The following SHISAL2A variants were observed in gnomAD, a reference collection of about 807,000 sequenced individuals.
SHISAL2A encodes the protein protein shisa-like-2A.
In SHISAL2A, 18 loss-of-function variants were observed where a neutral mutation model predicts 11.5. The ratio of observed to expected loss-of-function variants is 1.57; its 90% CI spans 1.08 to 2.33. The LOEUF (loss-of-function observed/expected upper bound fraction) is 2.33. Ranked by LOEUF, SHISAL2A falls within the 30% of genes most tolerant of loss-of-function variation. The pLI is 0.00. For missense variants in SHISAL2A, 261 were observed against 250.9 expected (o/e 1.04, Z -0.27); for synonymous variants, 94 against 99.6 (o/e 0.94, Z 0.34).
intron 4 of SHISAL2A, chr1:52,667,282 G>A (rs1040258942): frequency 8.5e-6 from 3 of 351,596 alleles, no homozygotes; most frequent in Non-Finnish European, 1.2e-5. Context: ...AATGGGCGTA[G>A]TTAGTCAGCA....
intron 1 of SHISAL2A, among the ~76,000 whole-genome samples, chr1:52,642,142 G>T (rs1311229430): frequency 6.6e-6 from 1 of 152,144 alleles, no homozygotes; most frequent in Non-Finnish European, 1.5e-5. Context: ...GCTGGAAGGA[G>T]AGCTGGCTTT....
intron 2 of SHISAL2A, among the ~76,000 whole-genome samples, chr1:52,646,301 A>G (rs1275268898): frequency 6.6e-6 from 1 of 152,146 alleles, no homozygotes; most frequent in Non-Finnish European, 1.5e-5. Flanking sequence ...AAGTTGAAAA[A>G]CCTAGAATAG....
At chr1:52,641,294 C>T (rs1017243494) in intron 1 of SHISAL2A, among the ~76,000 whole-genome samples, 1 of 152,166 alleles carries the variant, frequency 6.6e-6, no homozygotes, top group South Asian at 2.1e-4. Flanking sequence ...TAGGTGACAA[C>T]CTACTACTTG....
chr1:52,633,317 G>A lies in SHISAL2A; in HGVS notation c.-177G>A, dbSNP rs1691167467. The A allele has an allele frequency of 1.8e-5, 10 of 551,096 alleles. No individual in the cohort carries two copies. In the Admixed American group the frequency reaches 2.7e-4, roughly 15 times the overall value. The allele number at this position is 551,096 out of a possible 1,614,324, so 34.1% of individuals were successfully genotyped here. A position where few individuals can be genotyped will look rare whatever the true frequency, so the allele number is the denominator to read the frequency against. ...CGCGCGGGCCGGGCACCTGGCCGCC[G>A]CTCGGTCCTCGGGGCCCCGCGCTGC... On this transcript the variant is annotated 5_prime_UTR_variant, in exon 1 of 3. Transcript: ENST00000517870. The surrounding 1 kb of genome is among the most constrained non-coding windows in gnomAD (Gnocchi z 6.4).
chr1:52,659,551 G>A (rs992922778), downstream of SHISAL2A: 4 of 152,692 alleles, frequency 2.6e-5, no homozygotes, highest in African/African-American at 9.6e-5. Context: ...TGTCTGAGCT[G>A]AATCATCAAA....
downstream of SHISAL2A, among the ~76,000 whole-genome samples, chr1:52,658,270 C>T (rs1223411202): frequency 6.6e-6 from 1 of 152,150 alleles, no homozygotes; most frequent in Non-Finnish European, 1.5e-5. Context: ...GAACTCCTGA[C>T]CTCAAGTGAT....
downstream of SHISAL2A, among the ~76,000 whole-genome samples, chr1:52,657,931 C>A (rs1279776136): frequency 6.6e-6 from 1 of 152,196 alleles, no homozygotes; most frequent in African/African-American, 2.4e-5. Context: ...CACTGTGTGG[C>A]CTTGATAAAG....
chr1:52,643,079 T>G (rs947328484), intron 2 of SHISAL2A, 77 bp downstream of exon 2: 43 of 1,456,180 alleles, frequency 3.0e-5, no homozygotes, highest in Non-Finnish European at 4.1e-5. Flanking sequence ...GTAGAAATGA[T>G]GTTTGGAACA....
exon 6 of SHISAL2A, chr1:52,668,575 A>G (rs1350501662): frequency 6.6e-6 from 1 of 152,256 alleles, no homozygotes. Flanking sequence ...CAGGGCATGG[A>G]CAGATCTTCC....
At chr1:52,653,338 G>A (rs1285367302) in intron 2 of SHISAL2A, among the ~76,000 whole-genome samples, 4 of 146,658 alleles carry the variant, frequency 2.7e-5, no homozygotes, top group African/African-American at 1.0e-4. Flanking sequence ...GCATGTGCCT[G>A]TAGTCCCAGC....
chr1:52,652,906 A>G (rs1453527569), intron 2 of SHISAL2A, among the ~76,000 whole-genome samples: 1 of 133,988 alleles, frequency 7.5e-6, no homozygotes, highest in African/African-American at 2.8e-5. Context: ...GGAGAGCTTG[A>G]AGTGAACAGA....
intron 2 of SHISAL2A, among the ~76,000 whole-genome samples, chr1:52,649,374 C>G (rs537590775): frequency 2.5e-4 from 38 of 152,284 alleles, no homozygotes; most frequent in African/African-American, 8.7e-4. Flanking sequence ...GATGTCAACC[C>G]AGATCTCCCA....
At position 52,656,679 on chromosome 1, in the gene SHISAL2A, AG is replaced by A. The variant is rs777597558; in HGVS notation, c.323-109del. 2.9e-5 allele frequency: 34 copies of A among 1,154,628 alleles called. No individual in the cohort carries two copies. In the East Asian group the frequency reaches 3.1e-4, roughly 10 times the overall value. The allele number at this position is 1,154,628 out of a possible 1,614,324, so 71.5% of individuals were successfully genotyped here. A position where few individuals can be genotyped will look rare whatever the true frequency, so the allele number is the denominator to read the frequency against. ...ACATGTTAAACAAATGATGCTTCTA[AG>A]GCTCTGACCACAGTGCACTGCCCAA... On this transcript the variant is annotated intron_variant, in intron 2 of 2. Coordinates refer to ENST00000517870, the MANE Select transcript of SHISAL2A (RefSeq NM_001042693.3).
intron 4 of SHISAL2A, among the ~76,000 whole-genome samples, chr1:52,664,185 A>G (rs569987747): frequency 7.1e-6 from 1 of 140,258 alleles, no homozygotes; most frequent in Non-Finnish European, 1.5e-5. Flanking sequence ...TTTTAATTTT[A>G]ATTTTTATTC....
intron 1 of SHISAL2A, among the ~76,000 whole-genome samples, chr1:52,638,032 C>A (rs1051641610): frequency 2.6e-5 from 4 of 152,184 alleles, no homozygotes; most frequent in Non-Finnish European, 5.9e-5. Context: ...CACCATGGAA[C>A]AACTCGGATC....
chr1:52,653,675 T>A (rs1408348529), intron 2 of SHISAL2A, among the ~76,000 whole-genome samples: 1 of 151,784 alleles, frequency 6.6e-6, no homozygotes, highest in Non-Finnish European at 1.5e-5. Context: ...AAAGAAGACC[T>A]AAAATGGAGA....
intron 2 of SHISAL2A, among the ~76,000 whole-genome samples, chr1:52,655,386 G>T (rs1388443273): frequency 6.7e-6 from 1 of 148,538 alleles, no homozygotes; most frequent in Non-Finnish European, 1.5e-5. Flanking sequence ...GGAAGCCAAG[G>T]CAGGAGGATA....
intron 2 of SHISAL2A, among the ~76,000 whole-genome samples, chr1:52,654,787 A>G (rs1212668038): frequency 6.6e-6 from 1 of 152,268 alleles, no homozygotes; most frequent in Non-Finnish European, 1.5e-5. Context: ...AAGATAAGCC[A>G]GTATTCATCA....
intron 4 of SHISAL2A, among the ~76,000 whole-genome samples, chr1:52,666,326 C>T (rs566498129): frequency 1.6e-4 from 24 of 152,168 alleles, no homozygotes; most frequent in African/African-American, 5.5e-4. Flanking sequence ...GTGGCAGGCG[C>T]CTGTAGTCCC....
Sources: gnomAD v4.1 joint callset for allele counts (sites outside exome capture counted in the v4.1 genomes callset) on GRCh38, gnomAD v4.1.1 for gene constraint, Gnocchi (gnomAD v3.1) non-coding constraint, MANE v1.5 for transcripts, NCBI Gene and HGNC (gene_info 2026-07-23, HGNC 2026-07-21) for gene names.